Variants in PCDHGA9 observed in about 807,000 individuals in gnomAD.
PCDHGA9 encodes the protein protocadherin gamma subfamily A, 9.
Under a neutral mutation model 62.5 loss-of-function variants are expected in PCDHGA9, and 37 were observed. The observed-to-expected ratio is 0.59, with a 90% CI of 0.46 to 0.78. The LOEUF (loss-of-function observed/expected upper bound fraction) is 0.78. Among genes scored for constraint, PCDHGA9 ranks in the 30% least tolerant of loss-of-function variants. The probability of loss-of-function intolerance (pLI) is 0.00; values close to 1 mark genes in which losing one functional copy is unlikely to be tolerated. For missense variants in PCDHGA9, 1,138 were observed against 1,166.2 expected (o/e 0.98, Z 0.35); for synonymous variants, 459 against 484.6 (o/e 0.95, Z 0.69).
At chr5:141,508,151 C>T (rs1306467936) in intron 3 of PCDHGA9, 1 of 152,548 alleles carries the variant, frequency 6.6e-6, no homozygotes, top group Admixed American at 6.5e-5. Flanking sequence ...GGCTGAGTTT[C>T]CCTGAGTAGA....
Position 141,428,104 on chromosome 5 carries a change from T to C in PCDHGA9, c.2424+22728T>C, listed in dbSNP as rs751953406. ...AACGCTTGGCTGTCCTACCACGTGCTGCAGGCCATCGAGCCCGGGCTTTTC... is the reference window on the plus strand; with the variant it reads ...AACGCTTGGCTGTCCTACCACGTGCCGCAGGCCATCGAGCCCGGGCTTTTC... On this transcript the variant is annotated intron_variant, in intron 1 of 3. Coordinates refer to ENST00000573521, the MANE Select transcript of PCDHGA9 (RefSeq NM_018921.3). The C allele has an allele frequency of 1.9e-6, 3 of 1,608,398 alleles. No individual in the cohort carries two copies. The South Asian group carries it at 3.3e-5, about 18-fold the overall frequency.
At chr5:141,408,008 C>A in intron 1 of PCDHGA9, 2 of 949,842 alleles carry the variant, frequency 2.1e-6, no homozygotes, top group Non-Finnish European at 3.0e-6. Context: ...GGATTCCCTG[C>A]GCAGCCAACA....
chr5:141,453,870 C>A (rs932804656), intron 1 of PCDHGA9, among the ~76,000 whole-genome samples: 2 of 152,146 alleles, frequency 1.3e-5, no homozygotes, highest in African/African-American at 4.8e-5. Context: ...AACAGATGAG[C>A]AAAATAATGT....
intron 1 of PCDHGA9, among the ~76,000 whole-genome samples, chr5:141,437,721 A>G (rs2097904045): frequency 6.6e-6 from 1 of 151,664 alleles, no homozygotes; most frequent in African/African-American, 2.4e-5. Flanking sequence ...TTACCCTCTA[A>G]TGTTACACTT....
At chr5:141,449,631 G>C in intron 1 of PCDHGA9, among the ~76,000 whole-genome samples, 1 of 148,476 alleles carries the variant, frequency 6.7e-6, no homozygotes, top group Middle Eastern at 3.6e-3. Flanking sequence ...TTAAAAAGAT[G>C]TATCTATATA....
chr5:141,432,133 C>G lies in PCDHGA9; in HGVS notation c.2424+26757C>G. ...CGGTCTTCCCTCAGGCCTCCTATTC[C>G]GCTTATATCCCAGAGAACAATCCCA... On this transcript the variant is annotated intron_variant, in intron 1 of 3. Transcript: ENST00000573521. The surrounding 1 kb of genome is among the most constrained non-coding windows in gnomAD (Gnocchi z 6.0). 1 of 1,614,142 alleles carries G rather than the reference C, an allele frequency of 6.2e-7. No homozygotes were observed. The highest frequency in any genetic ancestry group is 1.1e-5 in the South Asian group (1 of 91,070).
intron 1 of PCDHGA9, chr5:141,475,966 A>T (rs1252698069): frequency 2.3e-6 from 2 of 888,664 alleles, no homozygotes; most frequent in Admixed American, 5.2e-5. Flanking sequence ...GGGATGAGGC[A>T]GAGACTGAAC....
At chr5:141,426,048 A>G (rs2096911760) in intron 1 of PCDHGA9, among the ~76,000 whole-genome samples, 1 of 152,182 alleles carries the variant, frequency 6.6e-6, no homozygotes, top group Non-Finnish European at 1.5e-5. Context: ...CTGTTGGCCA[A>G]TGTGCTGCAA....
intron 1 of PCDHGA9, among the ~76,000 whole-genome samples, chr5:141,480,339 T>A (rs764049837): frequency 1.3e-4 from 20 of 152,010 alleles, no homozygotes; most frequent in Non-Finnish European, 2.4e-4. Context: ...TGCTTGAGCC[T>A]GGGAGGTTGA....
chr5:141,433,106 G>C, intron 1 of PCDHGA9: 1 of 1,614,170 alleles, frequency 6.2e-7, no homozygotes, highest in Non-Finnish European at 8.5e-7. Flanking sequence ...CGTCAGCCAG[G>C]AGAGCTTTGA....
rs753954982 is a variant in PCDHGA9 at position 141,478,158 on chromosome 5, C to A, written c.2425-16649C>A. 9 of 1,613,936 alleles carry A rather than the reference C, an allele frequency of 5.6e-6. No individual in the cohort carries two copies. In the African/African-American group the frequency reaches 1.2e-4, roughly 22 times the overall value. On this transcript the variant is annotated intron_variant, in intron 1 of 3. Transcript: ENST00000573521. ...GCCCGAGCCGAGTTCCCCTCTGGCT[C>A]TGCCCCCCGGGAGCAGAAAAAAAAT...
intron 1 of PCDHGA9, chr5:141,423,754 G>C: frequency 1.7e-6 from 1 of 577,836 alleles, no homozygotes. Flanking sequence ...ACTGTTTGGG[G>C]GGGGGGTGGG....
chr5:141,464,394 G>A (rs1277856342), intron 1 of PCDHGA9, among the ~76,000 whole-genome samples: 1 of 150,654 alleles, frequency 6.6e-6, no homozygotes. Context: ...TGCTAATGAA[G>A]AACCTGAGAT....
Position 141,404,204 on chromosome 5 carries a change from T to A in PCDHGA9, c.1252T>A (p.Tyr418Asn). The part of the protein sequence containing the change: ...QILDREKASE[Y>N]NITVTATDRG... The stretch of plus-strand genomic sequence containing the variant: ...TCTTGACCGAGAAAAAGCCTCAGAA[T>A]ATAATATCACGGTGACTGCAACAGA... Residue 418 changes from tyrosine (Y) to asparagine (N), a missense_variant, in exon 1 of 4, where the codon TAT becomes AAT. Coordinates refer to ENST00000573521, the MANE Select transcript of PCDHGA9 (RefSeq NM_018921.3). 6.2e-7 allele frequency: 1 copy of A among 1,613,718 alleles called. No homozygotes were observed. Among genetic ancestry groups the A allele is most frequent in the Non-Finnish European group, 8.5e-7 (1 of 1,179,768 alleles).
At chr5:141,461,830 CTT>C (rs1030113508) in intron 1 of PCDHGA9, among the ~76,000 whole-genome samples, 1 of 145,180 alleles carries the variant, frequency 6.9e-6, no homozygotes, top group Non-Finnish European at 1.5e-5. Context: ...ATTTTTTTTT[CTT>C]TTTTTTTTGA....
chr5:141,419,075 A>C (rs2096322774), intron 1 of PCDHGA9: 3 of 1,613,968 alleles, frequency 1.9e-6, no homozygotes, highest in South Asian at 1.1e-5. Flanking sequence ...CAAGCTAGTA[A>C]CAGATGAGGC....
Position 141,431,248 on chromosome 5 carries a change from G to A in PCDHGA9, c.2424+25872G>A. ...CCCACGCCTGGGATCCGGATATCGGGAAGAACTCTCTGCAGAGCTACGAGC... is the reference window on the plus strand; with the variant it reads ...CCCACGCCTGGGATCCGGATATCGGAAAGAACTCTCTGCAGAGCTACGAGC... On this transcript the variant is annotated intron_variant, in intron 1 of 3. Transcript: ENST00000573521. This position sits in a 1 kb window ranked among gnomAD's most constrained non-coding sequence, Gnocchi z 4.8. 2 of 1,614,140 alleles carry A rather than the reference G, an allele frequency of 1.2e-6. No homozygotes were observed. Among genetic ancestry groups the A allele is most frequent in the Non-Finnish European group, 1.7e-6 (2 of 1,180,048 alleles).
intron 1 of PCDHGA9, chr5:141,417,591 C>T (rs1287721863): frequency 2.1e-6 from 1 of 484,478 alleles, no homozygotes; most frequent in East Asian, 3.4e-5. Context: ...CACAGAGCCT[C>T]TGGGCGCCGC....
intron 2 of PCDHGA9, among the ~76,000 whole-genome samples, chr5:141,496,189 G>T (rs1362938002): frequency 1.3e-5 from 2 of 152,004 alleles, no homozygotes; most frequent in African/African-American, 4.8e-5. Context: ...AGCCCCAGCT[G>T]CTCATTTCAA....
Sources: allele counts gnomAD v4.1 joint callset (sites outside exome capture counted in the v4.1 genomes callset), GRCh38; gene constraint gnomAD v4.1.1; non-coding constraint Gnocchi (gnomAD v3.1); transcripts MANE v1.5; gene names NCBI Gene and HGNC (gene_info 2026-07-23, HGNC 2026-07-21).